NISCH: variants seen among roughly 807,000 people sequenced by gnomAD.
NISCH encodes nischarin, also known as I-1 receptor candidate protein.
NISCH carries 55 observed loss-of-function variants against 138.4 expected under a neutral mutation model. The observed-to-expected ratio is 0.40, with a 90% CI of 0.32 to 0.50. NISCH has a LOEUF of 0.50. Ranked by LOEUF, NISCH falls within the 20% of genes least tolerant of loss-of-function variation. The pLI, the probability that NISCH is intolerant of heterozygous loss-of-function variation, is 0.71. For missense variants in NISCH, 1,643 were observed against 2,005.5 expected (o/e 0.82, Z 3.45); for synonymous variants, 860 against 861.5 (o/e 1.00, Z 0.03).
chr3:52,471,005 A>G, intron 4 of NISCH, 98 bp downstream of exon 4: 1 of 1,250,426 alleles, frequency 8.0e-7, no homozygotes, highest in Non-Finnish European at 1.2e-6. Flanking sequence ...TCTGGAGCCC[A>G]CCTACCTCCC....
intron 9 of NISCH, 22 bp from the exon 10 acceptor site, chr3:52,478,075 G>A (rs771157368): frequency 2.5e-6 from 4 of 1,612,114 alleles, no homozygotes; most frequent in Non-Finnish European, 2.5e-6. Context: ...GCCACTTTAC[G>A]CTGTTCTCCA....
In NISCH at chr3:52,476,433, A is replaced by G; in HGVS notation, c.766-14A>G. 1.2e-6 allele frequency: 2 copies of G among 1,613,884 alleles called. No homozygotes were observed. The highest frequency in any genetic ancestry group is 1.1e-5 in the South Asian group (1 of 91,078). On this transcript the variant is annotated splice_polypyrimidine_tract_variant and intron_variant, in intron 7 of 20. Coordinates refer to ENST00000345716, the MANE Select transcript of NISCH (RefSeq NM_007184.4). ...GGCCCGAGTGTGGTGCTCCACACAG[A>G]TGTTTTTATGCAGGAAGTCCTTGTT... is the stretch of plus-strand genomic sequence containing the variant.
intron 16 of NISCH, among the ~76,000 whole-genome samples, chr3:52,488,935 G>A (rs955308130): frequency 1.3e-5 from 2 of 152,198 alleles, no homozygotes; most frequent in Admixed American, 6.5e-5. Context: ...GCAGCACACC[G>A]AGGCCAGGAG....
intron 7 of NISCH, among the ~76,000 whole-genome samples, chr3:52,475,335 G>C (rs568280781): frequency 6.6e-6 from 1 of 152,298 alleles, no homozygotes; most frequent in South Asian, 2.1e-4. Context: ...TGAGAAGAAA[G>C]GTCTTGTCAA....
rs919159487 is a variant in NISCH, at chr3:52,472,217, A to G, written c.574-86A>G. 1.2e-5 allele frequency: 15 copies of G among 1,296,384 alleles called. No individual in the cohort carries two copies. In the African/African-American group the frequency reaches 1.9e-4, roughly 16 times the overall value. 80.3% of individuals were successfully genotyped at this position (1,296,384 alleles called of 1,614,324 possible). On this transcript the variant is annotated intron_variant, in intron 5 of 20. Coordinates refer to ENST00000345716, the MANE Select transcript of NISCH (RefSeq NM_007184.4). The stretch of plus-strand genomic sequence containing the variant: ...CTTTGTTGAAGACAGAAGTGGTCAA[A>G]GTTGTCTTCAACTTGTCAGCTGCTG...
chr3:52,465,361 C>T (rs1214524483), intron 3 of NISCH, among the ~76,000 whole-genome samples: 3 of 152,122 alleles, frequency 2.0e-5, no homozygotes, highest in Non-Finnish European at 2.9e-5. Context: ...AACTCCTGGG[C>T]TCAAGTGATC....
At chr3:52,469,684 C>T (rs1259696253) in intron 3 of NISCH, among the ~76,000 whole-genome samples, 1 of 151,992 alleles carries the variant, frequency 6.6e-6, no homozygotes, top group African/African-American at 2.4e-5. Context: ...GTGGCTGAGG[C>T]AGGGTGGATA....
intron 15 of NISCH, 71 bp downstream of exon 15, chr3:52,485,898 G>T (rs1013449402): frequency 2.7e-5 from 39 of 1,443,360 alleles, no homozygotes; most frequent in Non-Finnish European, 3.5e-5. Flanking sequence ...CTGTGGGCCA[G>T]GGGTGGCCAG....
intron 11 of NISCH, among the ~76,000 whole-genome samples, chr3:52,479,266 A>G (rs1414521632): frequency 6.7e-6 from 1 of 150,356 alleles, no homozygotes; most frequent in East Asian, 2.0e-4. Context: ...CCAACCCCCC[A>G]CTGCCTGCCA....
intron 3 of NISCH, among the ~76,000 whole-genome samples, chr3:52,469,345 G>A (rs943689841): frequency 3.3e-5 from 5 of 152,272 alleles, no homozygotes; most frequent in Non-Finnish European, 7.3e-5. Flanking sequence ...CTGAGGCAAC[G>A]GGTTTCATAT....
At chr3:52,458,169 T>G (rs1253001841) in intron 2 of NISCH, among the ~76,000 whole-genome samples, 2 of 152,254 alleles carry the variant, frequency 1.3e-5, no homozygotes, top group Non-Finnish European at 2.9e-5. Flanking sequence ...CAGTCCTAGC[T>G]TGGGTATGAG....
intron 3 of NISCH, among the ~76,000 whole-genome samples, chr3:52,459,678 C>T (rs1174816678): frequency 6.6e-6 from 1 of 151,812 alleles, no homozygotes. Flanking sequence ...AAGTGATCTG[C>T]CTGCCTCAGC....
At position 52,492,396 on chromosome 3, in the gene NISCH, G is replaced by A; in HGVS notation, c.4429G>A (p.Glu1477Lys). The change falls in exon 21 of 21, where the codon GAG becomes AAG. Residue 1477 changes from glutamate to lysine, a missense_variant. Transcript: ENST00000345716. ...GTGGCAGGTGTTTGTCCCCAGTGCT[G>A]AGAGCAGAGAGAAGCTCATCTCGCT... ...VQWQVFVPSA[E>K]SREKLISLLA... The A allele has an allele frequency of 6.2e-7, 1 of 1,613,038 alleles. No individual in the cohort carries two copies. The highest frequency in any genetic ancestry group is 1.1e-5 in the South Asian group (1 of 91,088).
At chr3:52,465,929 A>T (rs1416238286) in intron 3 of NISCH, among the ~76,000 whole-genome samples, 1 of 152,220 alleles carries the variant, frequency 6.6e-6, no homozygotes, top group Non-Finnish European at 1.5e-5. Context: ...TTCGGGAAAG[A>T]AAAGGAATTC....
rs1023883026 is a variant in NISCH, at chr3:52,492,615, CAT to C, written c.*134_*135del. On this transcript the variant is annotated 3_prime_UTR_variant, in exon 21 of 21. Transcript: ENST00000345716. ...TGACTGTCCTCGCAGAGAATGTGAA[CAT>C]GTGTGTGTGTTGTGTTAATTCTTTC... The C allele has an allele frequency of 1.8e-5, 21 of 1,153,996 alleles. No individual in the cohort carries two copies. The highest frequency in any genetic ancestry group is 9.3e-5 in the African/African-American group (6 of 64,546). 71.5% of individuals were successfully genotyped at this position (1,153,996 alleles called of 1,614,324 possible).
At chr3:52,476,760 G>A (rs915547049) in intron 8 of NISCH, among the ~76,000 whole-genome samples, 161 bp downstream of exon 8, 12 of 152,224 alleles carry the variant, frequency 7.9e-5, no homozygotes, top group African/African-American at 2.2e-4. Flanking sequence ...GGGGCTGGGC[G>A]TGGTGGGTCA....
chr3:52,487,132 T>G lies in NISCH; in HGVS notation c.1704-64T>G. ...AGGGTGTAGCAGTGGGCTCCAGATGTGGCAGGTGGGAGGTGGGAGGGGCCC... is the reference window on the plus strand; with the variant it reads ...AGGGTGTAGCAGTGGGCTCCAGATGGGGCAGGTGGGAGGTGGGAGGGGCCC... On this transcript the variant is annotated intron_variant, in intron 15 of 20. Transcript: ENST00000345716. This position sits in a 1 kb window ranked among gnomAD's most constrained non-coding sequence, Gnocchi z 9.1. 1.3e-6 allele frequency: 2 copies of G among 1,540,506 alleles called. No individual in the cohort carries two copies. Among genetic ancestry groups the G allele is most frequent in the East Asian group, 4.5e-5 (2 of 44,180 alleles).
In NISCH at chr3:52,487,514, GGAGGAGGAA is replaced by G. The variant is rs1707434753; in HGVS notation, c.2031_2039del (p.Glu677_Glu679del). The G allele has an allele frequency of 6.3e-6, 10 of 1,598,566 alleles. No homozygotes were observed. Among genetic ancestry groups the G allele is most frequent in the Non-Finnish European group, 6.0e-6 (7 of 1,168,756 alleles). ...AGGGAGGAGGCCAGGGGGAGGAAGA[GGAGGAGGAA>G]GAGGAGGATGAAGAGGCCGAGGAGG... On this transcript the variant is annotated inframe_deletion, in exon 16 of 21. Transcript: ENST00000345716. The surrounding 1 kb of genome is among the most constrained non-coding windows in gnomAD (Gnocchi z 9.1).
At chr3:52,462,739 G>A (rs1706671106) in intron 3 of NISCH, among the ~76,000 whole-genome samples, 1 of 152,108 alleles carries the variant, frequency 6.6e-6, no homozygotes, top group Non-Finnish European at 1.5e-5. Flanking sequence ...AGGTTCAAGT[G>A]ATTCTCCTGC....
Sources: allele counts gnomAD v4.1 joint callset (sites outside exome capture counted in the v4.1 genomes callset), GRCh38; gene constraint gnomAD v4.1.1; non-coding constraint Gnocchi (gnomAD v3.1); transcripts MANE v1.5; gene names NCBI Gene and HGNC (gene_info 2026-07-23, HGNC 2026-07-21).